The following GABRB2 variants were observed in gnomAD, a reference collection of about 807,000 sequenced individuals.
The protein encoded by GABRB2 is gamma-aminobutyric acid type A receptor subunit beta2.
Under a neutral mutation model 54.7 loss-of-function variants are expected in GABRB2, and 16 were observed. That is an observed-to-expected ratio of 0.29 (90% confidence interval 0.20 to 0.44). GABRB2 has a LOEUF of 0.44. Ranked by LOEUF, GABRB2 falls within the 20% of genes least tolerant of loss-of-function variation. GABRB2 has a pLI of 1.00. For synonymous variants in GABRB2, 244 were observed against 233.8 expected, an observed-to-expected ratio of 1.04 and a Z score of -0.40; for missense variants, 355 against 644.0, an observed-to-expected ratio of 0.55 and a Z score of 4.86.
At position 161,347,508 on chromosome 5, in the gene GABRB2, C is replaced by T. The variant is rs1366781509; in HGVS notation, c.542-10739G>A. Among the ~76,000 whole-genome samples, 16 of 152,226 alleles carry T rather than the reference C, an allele frequency of 1.1e-4. No individual in the cohort carries two copies. In the East Asian group the frequency reaches 2.9e-3, roughly 28 times the overall value. On this transcript the variant is annotated intron_variant, in intron 5 of 9. Coordinates refer to ENST00000393959, the MANE Select transcript of GABRB2 (RefSeq NM_001371727.1). ...ACGCCTTGAATGTGAGCTGCCCTTGCTACTTGCTTTAATCAAAAACAGTAT... is the reference window on the plus strand; with the variant it reads ...ACGCCTTGAATGTGAGCTGCCCTTGTTACTTGCTTTAATCAAAAACAGTAT...
intron 3 of GABRB2, among the ~76,000 whole-genome samples, chr5:161,462,888 C>T (rs967923913): frequency 6.6e-6 from 1 of 152,066 alleles, no homozygotes; most frequent in African/African-American, 2.4e-5. Flanking sequence ...TTCCCCTAGG[C>T]TCCTATCCAC....
intron 5 of GABRB2, among the ~76,000 whole-genome samples, chr5:161,339,093 A>T (rs1300061951): frequency 1.3e-5 from 2 of 152,158 alleles, no homozygotes; most frequent in Admixed American, 1.3e-4. Flanking sequence ...TTCAGAGACA[A>T]TGACAATCCT....
intron 5 of GABRB2, among the ~76,000 whole-genome samples, chr5:161,373,251 T>G (rs2113471044): frequency 6.6e-6 from 1 of 152,302 alleles, no homozygotes; most frequent in South Asian, 2.1e-4. Context: ...GACATGCAAG[T>G]TCTGCCTTTC....
chr5:161,370,381 C>CAGAAGTAG (rs1755097006), intron 5 of GABRB2, among the ~76,000 whole-genome samples: 1 of 152,128 alleles, frequency 6.6e-6, no homozygotes, highest in Admixed American at 6.5e-5. Context: ...CTAGCTTCTG[C>CAGAAGTAG]AGAAGTAGAG....
intron 3 of GABRB2, among the ~76,000 whole-genome samples, chr5:161,540,328 A>T (rs1282560073): frequency 6.6e-6 from 1 of 151,720 alleles, no homozygotes; most frequent in Non-Finnish European, 1.5e-5. Flanking sequence ...CAACTTGTGC[A>T]TTGAAGTTTG....
chr5:161,538,732 G>C (rs1029143613), intron 3 of GABRB2, among the ~76,000 whole-genome samples: 4 of 152,032 alleles, frequency 2.6e-5, no homozygotes, highest in African/African-American at 9.7e-5. Context: ...ACTGAGATGA[G>C]AGAATTGCTT....
At chr5:161,528,335 G>A (rs139132217) in intron 3 of GABRB2, among the ~76,000 whole-genome samples, 1 of 151,580 alleles carries the variant, frequency 6.6e-6, no homozygotes, top group Admixed American at 6.6e-5. Flanking sequence ...TATGTTTACC[G>A]ATTTCTACAG....
intron 3 of GABRB2, among the ~76,000 whole-genome samples, chr5:161,469,005 C>T (rs2113291843): frequency 6.6e-6 from 1 of 151,824 alleles, no homozygotes; most frequent in Admixed American, 6.6e-5. Context: ...TAGATCTTAT[C>T]TTTTTGAGAA....
chr5:161,380,143 A>C (rs142250499), intron 5 of GABRB2, among the ~76,000 whole-genome samples: 1 of 152,166 alleles, frequency 6.6e-6, no homozygotes, highest in Admixed American at 6.6e-5. Context: ...ATTTTAAGCA[A>C]ATATCTCAGG....
At chr5:161,362,933 G>A (rs982551256) in intron 5 of GABRB2, among the ~76,000 whole-genome samples, 26 of 152,142 alleles carry the variant, frequency 1.7e-4, no homozygotes, top group African/African-American at 6.0e-4. Flanking sequence ...GTTGATGGGA[G>A]TGTAAATTAG....
chr5:161,511,861 C>T (rs775640357), intron 3 of GABRB2, among the ~76,000 whole-genome samples: 1 of 151,974 alleles, frequency 6.6e-6, no homozygotes, highest in Admixed American at 6.6e-5. Context: ...AGCTACCTTC[C>T]TAACCTCACT....
chr5:161,323,882 A>G (rs1268536563), intron 9 of GABRB2, among the ~76,000 whole-genome samples: 1 of 152,208 alleles, frequency 6.6e-6, no homozygotes, highest in African/African-American at 2.4e-5. Flanking sequence ...TCTAGTGAAC[A>G]ACCTGACTAC....
At chr5:161,460,120 A>G (rs1413890217) in intron 3 of GABRB2, among the ~76,000 whole-genome samples, 2 of 151,962 alleles carry the variant, frequency 1.3e-5, no homozygotes, top group Non-Finnish European at 2.9e-5. Context: ...CTTTGTTTGT[A>G]TTTTTAGTAG....
chr5:161,327,661 C>T (rs150864418), intron 8 of GABRB2, among the ~76,000 whole-genome samples: 3 of 152,224 alleles, frequency 2.0e-5, no homozygotes, highest in East Asian at 3.9e-4. Flanking sequence ...GGGCTCCCAC[C>T]TGGGCAGGCT....
chr5:161,297,434 TCC>T (rs1226164267), intron 9 of GABRB2, among the ~76,000 whole-genome samples: 1 of 151,978 alleles, frequency 6.6e-6, no homozygotes, highest in Non-Finnish European at 1.5e-5. Flanking sequence ...CCTCCCCTAG[TCC>T]CCCACCCCCT....
At chr5:161,385,323 G>T (rs1440178426) in intron 5 of GABRB2, among the ~76,000 whole-genome samples, 1 of 152,108 alleles carries the variant, frequency 6.6e-6, no homozygotes, top group Non-Finnish European at 1.5e-5. Context: ...ACATTTCACC[G>T]TGAAACTTTT....
At chr5:161,419,918 A>G (rs1036788574) in intron 4 of GABRB2, among the ~76,000 whole-genome samples, 1 of 152,216 alleles carries the variant, frequency 6.6e-6, no homozygotes, top group Non-Finnish European at 1.5e-5. Context: ...ATTATGCAAT[A>G]TATCCACATA....
At chr5:161,346,732 T>C (rs1334657923) in intron 5 of GABRB2, among the ~76,000 whole-genome samples, 1 of 152,152 alleles carries the variant, frequency 6.6e-6, no homozygotes, top group African/African-American at 2.4e-5. Flanking sequence ...CAAATTTTCA[T>C]ACTGTCCCTA....
chr5:161,385,947 G>GGTGTGT (rs70990781), intron 5 of GABRB2, among the ~76,000 whole-genome samples: 74 of 93,408 alleles, frequency 7.9e-4, no homozygotes, highest in African/African-American at 1.7e-3. Flanking sequence ...CCTATTGTCT[G>GGTGTGT]GTGTGTGTGT....
Sources: gnomAD v4.1 joint callset for allele counts (sites outside exome capture counted in the v4.1 genomes callset) on GRCh38, gnomAD v4.1.1 for gene constraint, MANE v1.5 for transcripts, NCBI Gene and HGNC (gene_info 2026-07-23, HGNC 2026-07-21) for gene names.